The following LSAMP variants were observed in gnomAD, a reference collection of about 807,000 sequenced individuals.
LSAMP encodes limbic system-associated membrane protein.
Under a neutral mutation model 38.6 loss-of-function variants are expected in LSAMP, and 7 were observed. The ratio of observed to expected loss-of-function variants is 0.18; its 90% CI spans 0.10 to 0.34. The LOEUF is 0.34. Ranked by LOEUF, LSAMP falls within the 10% of genes least tolerant of loss-of-function variation. LSAMP has a pLI of 1.00. For missense variants in LSAMP, 313 were observed against 420.0 expected (o/e 0.75, Z 2.23); for synonymous variants, 154 against 166.8 (o/e 0.92, Z 0.59).
rs1480630485 is a variant in LSAMP at position 115,842,442 on chromosome 3, T to C, written c.770+16A>G. On this transcript the variant is annotated intron_variant, in intron 5 of 6. Transcript: ENST00000490035. ...CATGCAGTGGAGTCATGGGGGATGG[T>C]AGGTTTGGCACATACCTAGTGTCAT... is the stretch of plus-strand genomic sequence containing the variant. The C allele has an allele frequency of 1.1e-5, 18 of 1,612,390 alleles. No individual in the cohort carries two copies. The highest frequency in any genetic ancestry group is 1.5e-5 in the Non-Finnish European group (18 of 1,179,196).
intron 1 of LSAMP, among the ~76,000 whole-genome samples, chr3:116,293,786 C>T (rs954507351): frequency 1.3e-5 from 2 of 151,992 alleles, no homozygotes; most frequent in South Asian, 2.1e-4. Context: ...AGTAAGATTC[C>T]GAGTTGGGGG....
At chr3:116,301,416 C>T (rs1305795552) in intron 1 of LSAMP, among the ~76,000 whole-genome samples, 2 of 152,082 alleles carry the variant, frequency 1.3e-5, no homozygotes, top group Admixed American at 1.3e-4. Context: ...AAAACAAAAT[C>T]AATAATGAAG....
At chr3:116,020,954 T>A (rs1419332762) in intron 2 of LSAMP, among the ~76,000 whole-genome samples, 1 of 152,146 alleles carries the variant, frequency 6.6e-6, no homozygotes, top group Non-Finnish European at 1.5e-5. Flanking sequence ...GAACATTTTC[T>A]GCTTGCAGAA....
At chr3:116,038,376 G>T (rs1051656541) in intron 2 of LSAMP, among the ~76,000 whole-genome samples, 1 of 152,044 alleles carries the variant, frequency 6.6e-6, no homozygotes. Flanking sequence ...TATTTCTCTG[G>T]AACACAGAAA....
chr3:116,292,768 T>G (rs1576487506), intron 1 of LSAMP, among the ~76,000 whole-genome samples: 1 of 152,306 alleles, frequency 6.6e-6, no homozygotes, highest in East Asian at 1.9e-4. Flanking sequence ...TAACTGAAGC[T>G]CGCAAGGTTA....
chr3:116,425,111 G>A (rs1165123830), intron 1 of LSAMP, among the ~76,000 whole-genome samples: 3 of 151,982 alleles, frequency 2.0e-5, no homozygotes, highest in Non-Finnish European at 4.4e-5. Flanking sequence ...CATTTGTTAA[G>A]TCATCAACTC....
intron 4 of LSAMP, among the ~76,000 whole-genome samples, chr3:115,851,054 A>C (rs1935315316): frequency 6.6e-6 from 1 of 151,928 alleles, no homozygotes. Context: ...GCTCACTGCA[A>C]CCTCCACCTT....
chr3:115,940,662 G>T (rs1366771922), intron 3 of LSAMP, among the ~76,000 whole-genome samples: 1 of 152,136 alleles, frequency 6.6e-6, no homozygotes, highest in Non-Finnish European at 1.5e-5. Context: ...TTGTTAAAGA[G>T]ATTTTCTTTT....
Position 115,993,778 on chromosome 3 carries a change from A to G in LSAMP, c.514+25737T>C, listed in dbSNP as rs897246478. Among the ~76,000 whole-genome samples, 58 of 152,126 alleles carry G rather than the reference A, an allele frequency of 3.8e-4. 2 individuals carry two copies. The highest frequency in any genetic ancestry group is 3.4e-3 in the Admixed American group (52 of 15,252). ...GATCAAGTTTTCCCCATCTCATTAT[A>G]TTTTCAATTCCTTTCCTTTCTTATT... is the stretch of plus-strand genomic sequence containing the variant. On this transcript the variant is annotated intron_variant, in intron 3 of 6. Transcript: ENST00000490035.
intron 3 of LSAMP, among the ~76,000 whole-genome samples, chr3:115,926,134 G>T (rs556988580): frequency 6.6e-6 from 1 of 152,294 alleles, no homozygotes; most frequent in African/African-American, 2.4e-5. Flanking sequence ...CTGGAGATGG[G>T]CACATGCTGC....
chr3:116,211,441 G>A (rs1485462595), intron 1 of LSAMP, among the ~76,000 whole-genome samples: 2 of 152,124 alleles, frequency 1.3e-5, no homozygotes, highest in Non-Finnish European at 2.9e-5. Flanking sequence ...AAAGCATCAT[G>A]TTGTTCACCG....
chr3:115,921,776 A>T (rs1430395180), intron 3 of LSAMP, among the ~76,000 whole-genome samples: 2 of 152,108 alleles, frequency 1.3e-5, no homozygotes, highest in African/African-American at 4.8e-5. Context: ...TTTATATGCA[A>T]TGTCCTTATT....
intron 3 of LSAMP, among the ~76,000 whole-genome samples, chr3:115,966,644 T>C (rs1199604699): frequency 6.6e-6 from 1 of 152,218 alleles, no homozygotes; most frequent in East Asian, 1.9e-4. Flanking sequence ...GGAAGAATAG[T>C]TAATTTCATT....
At chr3:116,084,685 T>G (rs772224683) in intron 2 of LSAMP, among the ~76,000 whole-genome samples, 1 of 152,136 alleles carries the variant, frequency 6.6e-6, no homozygotes, top group Non-Finnish European at 1.5e-5. Flanking sequence ...AGTTACGGTC[T>G]CTAGTGGCTT....
intron 2 of LSAMP, among the ~76,000 whole-genome samples, chr3:116,020,446 A>G (rs570523475): frequency 6.4e-4 from 97 of 152,338 alleles, no homozygotes; most frequent in African/African-American, 2.2e-3. Context: ...ATTTATGGGT[A>G]GGAAACTGAG....
At chr3:116,417,533 T>C (rs376099823) in intron 1 of LSAMP, among the ~76,000 whole-genome samples, 1 of 152,180 alleles carries the variant, frequency 6.6e-6, no homozygotes, top group Non-Finnish European at 1.5e-5. Flanking sequence ...CTGCAAAGAG[T>C]AGGTTTCTTC....
chr3:115,835,375 T>G (rs1198800274), intron 6 of LSAMP, among the ~76,000 whole-genome samples: 2 of 152,196 alleles, frequency 1.3e-5, no homozygotes, highest in African/African-American at 2.4e-5. Context: ...ATAGATAGAA[T>G]GTACTGACAG....
chr3:116,046,912 A>G (rs924479054), intron 2 of LSAMP, among the ~76,000 whole-genome samples: 1 of 152,170 alleles, frequency 6.6e-6, no homozygotes, highest in South Asian at 2.1e-4. Flanking sequence ...CAACTATTCC[A>G]GGGGCTCACT....
chr3:116,428,552 C>G (rs2049235580), intron 1 of LSAMP, among the ~76,000 whole-genome samples: 1 of 152,112 alleles, frequency 6.6e-6, no homozygotes, highest in Admixed American at 6.5e-5. Flanking sequence ...CAAGAGACTA[C>G]ACAGACTCAA....
Sources: allele counts gnomAD v4.1 joint callset (sites outside exome capture counted in the v4.1 genomes callset), GRCh38; gene constraint gnomAD v4.1.1; transcripts MANE v1.5; gene names NCBI Gene and HGNC (gene_info 2026-07-23, HGNC 2026-07-21).